SCIN: variants seen among roughly 807,000 people sequenced by gnomAD.
SCIN encodes the protein adseverin.
In SCIN, 91 loss-of-function variants were observed where a neutral mutation model predicts 91.8. That is an observed-to-expected ratio of 0.99 (90% CI 0.84 to 1.18). The LOEUF is 1.18. SCIN is among the 50% of genes most tolerant of loss of function. SCIN has a pLI of 0.00. For missense variants in SCIN, 1,087 were observed against 863.9 expected (o/e 1.26, Z -3.24); for synonymous variants, 367 against 312.6 (o/e 1.17, Z -1.84).
intron 5 of SCIN, 43 bp downstream of exon 5, chr7:12,622,936 A>C (rs771043555): frequency 9.0e-6 from 13 of 1,448,844 alleles, no homozygotes; most frequent in Non-Finnish European, 1.3e-5. Context: ...ACAGTACTGG[A>C]TGTAGCTAGG....
At chr7:12,615,152 A>C (rs939904510) in intron 4 of SCIN, among the ~76,000 whole-genome samples, 1 of 152,200 alleles carries the variant, frequency 6.6e-6, no homozygotes, top group Non-Finnish European at 1.5e-5. Context: ...TTTGCCAGAA[A>C]TGTTTGATAA....
At position 12,657,606 on chromosome 7, in the gene SCIN, CA is replaced by C. The variant is rs1301974709; in HGVS notation, c.*4898del. Reference sequence around the variant, plus strand: ...TTTTTTTTTTTTTTTTTTGCATTGGCAAAAAAACAAAGATATTGTTTAGCAA... The same window carrying C: ...TTTTTTTTTTTTTTTTTTGCATTGGCAAAAAACAAAGATATTGTTTAGCAA... On this transcript the variant is annotated 3_prime_UTR_variant, in exon 16 of 16. Coordinates refer to ENST00000297029, the MANE Select transcript of SCIN (RefSeq NM_001112706.3). The C allele has an allele frequency of 2.5e-5, 1 of 39,902 alleles. No individual in the cohort carries two copies. Among genetic ancestry groups the C allele is most frequent in the East Asian group, 1.2e-3 (1 of 850 alleles). The allele number at this position is 39,902 out of a possible 1,614,324, so 2.5% of individuals were successfully genotyped here.
In SCIN at chr7:12,656,113, T is replaced by C. The variant is rs991098568; in HGVS notation, c.*3398T>C. ...AATAATATTTCCCACCACTTATTTC[T>C]AGCAGTTCTGGTAAAGAGAATGGCC... On this transcript the variant is annotated 3_prime_UTR_variant, in exon 16 of 16. Coordinates refer to ENST00000297029, the MANE Select transcript of SCIN (RefSeq NM_001112706.3). The C allele has an allele frequency of 2.4e-4, 36 of 152,190 alleles. No homozygotes were observed. Among genetic ancestry groups the C allele is most frequent in the Non-Finnish European group, 1.5e-5 (1 of 68,040 alleles). 9.4% of individuals were successfully genotyped at this position (152,190 alleles called of 1,614,324 possible).
chr7:12,608,776 C>G (rs1583296548), intron 4 of SCIN, among the ~76,000 whole-genome samples: 1 of 152,156 alleles, frequency 6.6e-6, no homozygotes, highest in Admixed American at 6.5e-5. Context: ...CGCACCCGGC[C>G]TAAATTTGAC....
intron 13 of SCIN, among the ~76,000 whole-genome samples, chr7:12,644,966 G>T (rs1783931264): frequency 6.8e-6 from 1 of 146,430 alleles, no homozygotes; most frequent in Non-Finnish European, 1.5e-5. Context: ...AGTGAGCCAA[G>T]GTCGCGCCAC....
At chr7:12,582,481 A>C (rs1359528071) in intron 3 of SCIN, among the ~76,000 whole-genome samples, 1 of 152,200 alleles carries the variant, frequency 6.6e-6, no homozygotes, top group Non-Finnish European at 1.5e-5. Context: ...ATTACTACTT[A>C]TACATAATCC....
intron 3 of SCIN, 134 bp downstream of exon 3, chr7:12,581,355 A>G (rs975041338): frequency 2.6e-6 from 2 of 783,330 alleles, no homozygotes; most frequent in Non-Finnish European, 4.0e-6. Context: ...GAGCTGAGTA[A>G]TTGCCAAGTA....
Position 12,644,297 on chromosome 7 carries a change from C to T in SCIN, c.1741C>T (p.Gln581Ter). The part of the protein sequence containing the change: ...SVLKCKTLRI[Q>*]EGEEPEEFWN... ...CCTAAAGTGCAAAACCTTAAGGATC[C>T]AAGAAGGCGAGGAGCCAGGTGTGTG... Residue 581 changes from glutamine (Q) to a stop codon, truncating the protein, a stop_gained, in exon 12 of 16, where the codon CAA (glutamine) becomes TAA (stop). Coordinates refer to ENST00000297029, the MANE Select transcript of SCIN (RefSeq NM_001112706.3). LOFTEE classifies it high-confidence loss of function. The T allele has an allele frequency of 6.3e-7, 1 of 1,588,334 alleles. No homozygotes were observed. The highest frequency in any genetic ancestry group is 1.1e-5 in the South Asian group (1 of 87,134).
chr7:12,581,095 T>TA lies in SCIN; in HGVS notation c.391dup (p.Thr131AsnfsTer16), dbSNP rs1335046245. ...TGGCATCTGGATTAAATCATGTTCT[T>TA]ACGAACGACCTGACAGCCAAGAGGC... On this transcript the variant is annotated frameshift_variant, in exon 3 of 16. Transcript: ENST00000297029. LOFTEE classifies it high-confidence loss of function. 2.6e-6 allele frequency: 4 copies of TA among 1,551,216 alleles called. No homozygotes were observed. Among genetic ancestry groups the TA allele is most frequent in the Admixed American group, 3.9e-5 (2 of 50,960 alleles).
rs1442866344 is a variant in SCIN, at chr7:12,651,148, A to G, written c.1960-693A>G. 1.3e-5 allele frequency among the ~76,000 whole-genome samples: 2 copies of G among 152,230 alleles called. No individual in the cohort carries two copies. The highest frequency in any genetic ancestry group is 2.9e-5 in the Non-Finnish European group (2 of 68,040). ...TTTCTACCATTTTGAAGTTACAGAAAGAATGGGGGATTGCAGGATGGCAAA... is the reference window on the plus strand; with the variant it reads ...TTTCTACCATTTTGAAGTTACAGAAGGAATGGGGGATTGCAGGATGGCAAA... On this transcript the variant is annotated intron_variant, in intron 14 of 15. Transcript: ENST00000297029. This position sits in a 1 kb window ranked among gnomAD's most constrained non-coding sequence, Gnocchi z 5.9.
chr7:12,580,886 G>A (rs980878417), intron 2 of SCIN, among the ~76,000 whole-genome samples, 174 bp from the exon 3 acceptor site: 17 of 152,194 alleles, frequency 1.1e-4, no homozygotes, highest in Non-Finnish European at 2.1e-4. Flanking sequence ...ACAATCTGTT[G>A]ATTACCAAGG....
At chr7:12,573,903 A>G (rs1448032540) in intron 1 of SCIN, among the ~76,000 whole-genome samples, 1 of 152,200 alleles carries the variant, frequency 6.6e-6, no homozygotes, top group Non-Finnish European at 1.5e-5. Flanking sequence ...TATACGAAGG[A>G]CTGGCTAGAA....
intron 10 of SCIN, among the ~76,000 whole-genome samples, chr7:12,638,203 T>A (rs1016776707): frequency 3.3e-5 from 5 of 152,246 alleles, no homozygotes; most frequent in African/African-American, 1.2e-4. Context: ...TGCCCCAATG[T>A]GTCCGTCTGC....
In SCIN at chr7:12,644,195, C is replaced by A; in HGVS notation, c.1639C>A (p.Gln547Lys). 1 of 1,612,680 alleles carries A rather than the reference C, an allele frequency of 6.2e-7. No individual in the cohort carries two copies. Residue 547 changes from glutamine (Q) to lysine (K), a missense_variant, in exon 12 of 16, where the codon CAA becomes AAA. Gln to Lys is a moderately conservative substitution (Grantham distance 53). Coordinates refer to ENST00000297029, the MANE Select transcript of SCIN (RefSeq NM_001112706.3). Reference sequence around the variant, plus strand: ...CGATGTTTTTGTCCTGAAACTGCCACAAAATAGTGGCTACATCTGGGTAGG... The same window carrying A: ...CGATGTTTTTGTCCTGAAACTGCCAAAAAATAGTGGCTACATCTGGGTAGG... ...SNDVFVLKLP[Q>K]NSGYIWVGKG...
At chr7:12,649,889 G>A (rs563466817) in intron 14 of SCIN, among the ~76,000 whole-genome samples, 22 of 152,272 alleles carry the variant, frequency 1.4e-4, no homozygotes, top group African/African-American at 3.1e-4. Context: ...CAATGCCATT[G>A]AGGAAACCGA....
At chr7:12,574,662 G>A (rs1364743940) in intron 1 of SCIN, among the ~76,000 whole-genome samples, 1 of 152,076 alleles carries the variant, frequency 6.6e-6, no homozygotes, top group African/African-American at 2.4e-5. Context: ...ATTTTACAAA[G>A]TTGCCACTAC....
intron 4 of SCIN, among the ~76,000 whole-genome samples, chr7:12,615,930 T>C (rs746572109): frequency 2.0e-5 from 3 of 152,154 alleles, no homozygotes; most frequent in Non-Finnish European, 4.4e-5. Context: ...ATCAGGTTTA[T>C]GTACCTTTTC....
chr7:12,590,602 G>A lies in SCIN; in HGVS notation c.516+9381G>A, dbSNP rs576232050. On this transcript the variant is annotated intron_variant, in intron 3 of 15. Transcript: ENST00000297029. ...GCTTGCTGTATAGCAAAGCTTTCTC[G>A]GTGGGAGAGTTCTTGGGTAGGATTG... Among the ~76,000 whole-genome samples the A allele has an allele frequency of 7.1e-4, 108 of 152,178 alleles. 2 individuals carry two copies. The Middle Eastern group carries it at 0.01, about 14-fold the overall frequency.
chr7:12,578,226 G>C lies in SCIN; in HGVS notation c.354+8G>C. ...GGCGGTCTGAAATACAAGGTAAGCA[G>C]CTCCCTCAGTTTCCATTATGAATCC... is the stretch of plus-strand genomic sequence containing the variant. On this transcript the variant is annotated splice_region_variant and intron_variant, in intron 2 of 15. Coordinates refer to ENST00000297029, the MANE Select transcript of SCIN (RefSeq NM_001112706.3). 2 of 1,541,572 alleles carry C rather than the reference G, an allele frequency of 1.3e-6. No individual in the cohort carries two copies. Among genetic ancestry groups the C allele is most frequent in the South Asian group, 1.2e-5 (1 of 82,132 alleles).
Sources: gnomAD v4.1 joint callset for allele counts (sites outside exome capture counted in the v4.1 genomes callset) on GRCh38, gnomAD v4.1.1 for gene constraint, Gnocchi (gnomAD v3.1) non-coding constraint, MANE v1.5 for transcripts, NCBI Gene and HGNC (gene_info 2026-07-23, HGNC 2026-07-21) for gene names.